The following EYA4 variants were observed in gnomAD, a reference collection of about 807,000 sequenced individuals.
EYA4 encodes the protein protein phosphatase EYA4.
A neutral mutation model predicts 87.9 loss-of-function variants in EYA4; 31 were observed. That is an observed-to-expected ratio of 0.35 (90% CI 0.27 to 0.48). The LOEUF is 0.48. Among genes scored for constraint, EYA4 ranks in the 20% least tolerant of loss-of-function variants. EYA4 has a pLI of 0.99. For missense variants in EYA4, 678 were observed against 761.4 expected, an observed-to-expected ratio of 0.89 and a Z score of 1.29; for synonymous variants, 263 against 270.6, an observed-to-expected ratio of 0.97 and a Z score of 0.28.
intron 1 of EYA4, among the ~76,000 whole-genome samples, chr6:133,262,286 A>G (rs905983084): frequency 6.6e-6 from 1 of 152,256 alleles, no homozygotes; most frequent in African/African-American, 2.4e-5. Context: ...AAAGGCTTCA[A>G]ATATATTCTC....
chr6:133,498,184 T>C (rs544169769), intron 13 of EYA4, among the ~76,000 whole-genome samples: 9 of 152,290 alleles, frequency 5.9e-5, no homozygotes, highest in African/African-American at 2.2e-4. Flanking sequence ...TAATCAAGTG[T>C]TAGAACCATG....
intron 14 of EYA4, among the ~76,000 whole-genome samples, chr6:133,506,511 G>A (rs760149852): frequency 3.3e-4 from 50 of 152,012 alleles, no homozygotes; most frequent in African/African-American, 9.7e-4. Context: ...TTATTAACCC[G>A]GAACCTATCT....
chr6:133,418,009 A>G (rs1193031872), intron 3 of EYA4, among the ~76,000 whole-genome samples: 2 of 152,160 alleles, frequency 1.3e-5, no homozygotes, highest in Admixed American at 6.5e-5. Flanking sequence ...CATATATCCC[A>G]CACCCTCTTA....
chr6:133,264,697 G>A (rs1776067797), intron 1 of EYA4, among the ~76,000 whole-genome samples: 1 of 152,214 alleles, frequency 6.6e-6, no homozygotes, highest in Non-Finnish European at 1.5e-5. Flanking sequence ...CAGAGGTTTA[G>A]CGTTTCCATG....
chr6:133,315,914 A>C (rs577151289), intron 2 of EYA4, among the ~76,000 whole-genome samples: 1 of 152,320 alleles, frequency 6.6e-6, no homozygotes, highest in Non-Finnish European at 1.5e-5. Context: ...GGGGTGATGT[A>C]AAATCAACAG....
intron 3 of EYA4, among the ~76,000 whole-genome samples, chr6:133,445,082 G>T (rs1448891944): frequency 6.6e-6 from 1 of 152,000 alleles, no homozygotes; most frequent in Admixed American, 6.6e-5. Context: ...TAATCGTTCT[G>T]TTGGGTTTTT....
intron 3 of EYA4, among the ~76,000 whole-genome samples, chr6:133,412,658 A>C (rs1789343326): frequency 6.6e-6 from 1 of 152,162 alleles, no homozygotes; most frequent in African/African-American, 2.4e-5. Flanking sequence ...AGACCTCATT[A>C]AGATGTCATG....
At chr6:133,309,453 A>G (rs2128328765) in intron 2 of EYA4, among the ~76,000 whole-genome samples, 1 of 152,324 alleles carries the variant, frequency 6.6e-6, no homozygotes, top group African/African-American at 2.4e-5. Context: ...CTATAAGCAA[A>G]TGTGGTGGAA....
chr6:133,330,771 A>G (rs886793301), intron 2 of EYA4, among the ~76,000 whole-genome samples: 4 of 151,894 alleles, frequency 2.6e-5, no homozygotes, highest in African/African-American at 9.7e-5. Flanking sequence ...TTCACCTCTA[A>G]AAGTCTGGTT....
rs1322470043 is a variant in EYA4, at chr6:133,485,436, TATAGATGAGGA to T, written c.1191+2323_1191+2333del. On this transcript the variant is annotated intron_variant, in intron 13 of 19. Coordinates refer to ENST00000355286, the MANE Select transcript of EYA4 (RefSeq NM_004100.5). The stretch of plus-strand genomic sequence containing the variant: ...AAGGGGTAGGCTGTTCTCTCAAAGC[TATAGATGAGGA>T]AACATATCCAGAGAAGTAATAAAAA... Among the ~76,000 whole-genome samples the T allele has an allele frequency of 4.9e-3, 749 of 152,178 alleles. 8 individuals carry two copies. Among genetic ancestry groups the T allele is most frequent in the African/African-American group, 0.017 (707 of 41,528 alleles).
At chr6:133,432,383 C>T (rs1791262162) in intron 3 of EYA4, among the ~76,000 whole-genome samples, 1 of 152,128 alleles carries the variant, frequency 6.6e-6, no homozygotes, top group African/African-American at 2.4e-5. Flanking sequence ...CAGGGCTGAG[C>T]TCCTGCTGAT....
chr6:133,264,232 A>C (rs1776022759), intron 1 of EYA4, among the ~76,000 whole-genome samples: 2 of 152,154 alleles, frequency 1.3e-5, no homozygotes, highest in African/African-American at 4.8e-5. Context: ...GGTCCCAGGG[A>C]GCAAAAAACA....
chr6:133,334,173 T>C (rs950933332), intron 2 of EYA4, among the ~76,000 whole-genome samples: 1 of 152,218 alleles, frequency 6.6e-6, no homozygotes, highest in African/African-American at 2.4e-5. Context: ...ACTTTAAACT[T>C]ACAAGACAAC....
intron 8 of EYA4, 44 bp from the exon 9 acceptor site, chr6:133,462,577 C>T: frequency 6.2e-7 from 1 of 1,613,186 alleles, no homozygotes; most frequent in Non-Finnish European, 8.5e-7. Flanking sequence ...GAAGGAAAAT[C>T]ATCTTACTAA....
At chr6:133,446,782 G>A in intron 4 of EYA4, 28 bp downstream of exon 4, 1 of 1,609,020 alleles carries the variant, frequency 6.2e-7, no homozygotes, top group East Asian at 2.2e-5. Flanking sequence ...AAGATACCCA[G>A]AATCATATTT....
chr6:133,492,097 A>G (rs1174137100), intron 13 of EYA4, among the ~76,000 whole-genome samples: 1 of 152,152 alleles, frequency 6.6e-6, no homozygotes, highest in African/African-American at 2.4e-5. Flanking sequence ...AATATTTCCA[A>G]ACTCATTCTA....
chr6:133,465,488 TG>T (rs1794765102), intron 10 of EYA4, among the ~76,000 whole-genome samples: 1 of 152,194 alleles, frequency 6.6e-6, no homozygotes, highest in Non-Finnish European at 1.5e-5. Context: ...TTAATATTTT[TG>T]TGAGTTTTAA....
chr6:133,408,347 T>C (rs1359923458), intron 3 of EYA4, among the ~76,000 whole-genome samples: 1 of 152,192 alleles, frequency 6.6e-6, no homozygotes, highest in Non-Finnish European at 1.5e-5. Context: ...AATTCTTTTA[T>C]GTGGTTACAT....
intron 3 of EYA4, among the ~76,000 whole-genome samples, chr6:133,445,958 G>A (rs539360198): frequency 6.6e-6 from 1 of 152,246 alleles, no homozygotes; most frequent in African/African-American, 2.4e-5. Flanking sequence ...ACAATCTCTG[G>A]AGCAAACTTA....
Sources: allele counts gnomAD v4.1 joint callset (sites outside exome capture counted in the v4.1 genomes callset), GRCh38; gene constraint gnomAD v4.1.1; transcripts MANE v1.5; gene names NCBI Gene and HGNC (gene_info 2026-07-23, HGNC 2026-07-21).